ULBP1: variants seen among roughly 807,000 people sequenced by gnomAD.
ULBP1 encodes UL16 binding protein 1.
ULBP1 carries 28 observed loss-of-function variants against 25.3 expected under a neutral mutation model. The ratio of observed to expected loss-of-function variants is 1.10; its 90% CI spans 0.82 to 1.51. The LOEUF (loss-of-function observed/expected upper bound fraction) is 1.51, where lower values mean the gene tolerates loss of function less well. ULBP1 is among the 40% of genes most tolerant of loss of function. ULBP1 has a pLI of 0.00. For synonymous variants in ULBP1, 129 were observed against 103.0 expected (o/e 1.25, Z -1.53); for missense variants, 348 against 290.9 (o/e 1.20, Z -1.43).
At chr6:149,971,232 G>A in intron 4 of ULBP1, 137 bp from the exon 5 acceptor site, 1 of 523,248 alleles carries the variant, frequency 1.9e-6, no homozygotes, top group Non-Finnish European at 2.4e-6. Flanking sequence ...CAGAGCCAGG[G>A]GTAGTGTTGG....
intron 4 of ULBP1, among the ~76,000 whole-genome samples, chr6:149,970,523 A>C (rs943982191): frequency 6.6e-6 from 1 of 152,194 alleles, no homozygotes; most frequent in African/African-American, 2.4e-5. Flanking sequence ...TGGCCACTTC[A>C]CCAAGGATGT....
At chr6:149,967,960 A>C (rs1193883309) in intron 1 of ULBP1, among the ~76,000 whole-genome samples, 1 of 152,062 alleles carries the variant, frequency 6.6e-6, no homozygotes, top group Non-Finnish European at 1.5e-5. Flanking sequence ...CTGGATTTTC[A>C]TATTGCAACC....
At chr6:149,968,034 C>T (rs1779234671) in intron 1 of ULBP1, among the ~76,000 whole-genome samples, 1 of 152,186 alleles carries the variant, frequency 6.6e-6, no homozygotes, top group African/African-American at 2.4e-5. Context: ...TGTAGAAGTT[C>T]TGGGTTTTCA....
chr6:149,965,083 T>C (rs1779178311), intron 1 of ULBP1, among the ~76,000 whole-genome samples: 2 of 139,198 alleles, frequency 1.4e-5, no homozygotes, highest in East Asian at 2.2e-4. Context: ...CAGCGCGATC[T>C]CCCCGAATAT....
intron 4 of ULBP1, among the ~76,000 whole-genome samples, chr6:149,970,744 G>A (rs549883608): frequency 9.1e-4 from 138 of 152,368 alleles, no homozygotes; most frequent in African/African-American, 2.6e-3. Context: ...TGGACCCATG[G>A]GAGTCCTTGC....
Position 149,972,994 on chromosome 6 carries a change from A to G in ULBP1, c.*1648A>G, listed in dbSNP as rs1459504937. 1 of 152,218 alleles carries G rather than the reference A, an allele frequency of 6.6e-6. No individual in the cohort carries two copies. Among genetic ancestry groups the G allele is most frequent in the African/African-American group, 2.4e-5 (1 of 41,448 alleles). 9.4% of individuals were successfully genotyped at this position (152,218 alleles called of 1,614,324 possible). A position where few individuals can be genotyped will look rare whatever the true frequency, so the allele number is the denominator to read the frequency against. ...CTACTCGGGATATACCCACAGGAAA[A>G]GAATTCATTTTATCAAAAAGACACC... On this transcript the variant is annotated 3_prime_UTR_variant, in exon 5 of 5. Coordinates refer to ENST00000229708, the MANE Select transcript of ULBP1 (RefSeq NM_025218.4).
At position 149,966,153 on chromosome 6, in the gene ULBP1, G is replaced by T. The variant is rs148094617; in HGVS notation, c.85+2019G>T. On this transcript the variant is annotated intron_variant, in intron 1 of 4. Transcript: ENST00000229708. ...CCTTTCTAGAAAGGAAAGGCTGAAG[G>T]CACTTTGGTCCTTGCTGGCCGTGAG... Among the ~76,000 whole-genome samples the T allele has an allele frequency of 3.8e-3, 574 of 152,186 alleles. 3 individuals are homozygous for T. Among genetic ancestry groups the T allele is most frequent in the East Asian group, 0.03 (156 of 5,182 alleles).
At chr6:149,969,467 C>A (rs911554747) in intron 3 of ULBP1, 107 bp downstream of exon 3, 5 of 1,487,902 alleles carry the variant, frequency 3.4e-6, no homozygotes, top group African/African-American at 1.4e-5. Flanking sequence ...ATGAACATGA[C>A]CCCCTCATGG....
At chr6:149,971,153 C>G (rs115242232) in intron 4 of ULBP1, among the ~76,000 whole-genome samples, 1 of 152,166 alleles carries the variant, frequency 6.6e-6, no homozygotes, top group African/African-American at 2.4e-5. Flanking sequence ...TGTGAGCCCC[C>G]CTGGGCTGTA....
At chr6:149,970,291 G>T (rs947849470) in intron 4 of ULBP1, 144 bp downstream of exon 4, 2 of 1,210,594 alleles carry the variant, frequency 1.7e-6, no homozygotes, top group Non-Finnish European at 2.3e-6. Context: ...TCACCTGTTG[G>T]CAATGACCTG....
At position 149,969,393 on chromosome 6, in the gene ULBP1, C is replaced by A. The variant is rs184006980; in HGVS notation, c.625+33C>A. On this transcript the variant is annotated intron_variant, in intron 3 of 4. Coordinates refer to ENST00000229708, the MANE Select transcript of ULBP1 (RefSeq NM_025218.4). The stretch of plus-strand genomic sequence containing the variant: ...AGAGGGGGATAAATGGAAGCTGTCT[C>A]GAGTTCAGATCTTATCAGCTGGTGT... The A allele has an allele frequency of 5.6e-4, 902 of 1,602,442 alleles. 4 individuals are homozygous for A. In the African/African-American group the frequency reaches 0.011, roughly 20 times the overall value.
In ULBP1 at chr6:149,969,073, G is replaced by A; in HGVS notation, c.350-12G>A. ...TGTCAAGATCAGAGCTGATCTCTTT[G>A]CAATGGGGCAGAGCCCCTCACCCTG... On this transcript the variant is annotated splice_polypyrimidine_tract_variant and intron_variant, in intron 2 of 4. Transcript: ENST00000229708. 1.2e-6 allele frequency: 2 copies of A among 1,613,240 alleles called. No individual in the cohort carries two copies. Among genetic ancestry groups the A allele is most frequent in the Non-Finnish European group, 8.5e-7 (1 of 1,179,452 alleles).
chr6:149,964,043 G>A lies in ULBP1; in HGVS notation c.-7G>A, dbSNP rs373998254. 3 of 1,613,874 alleles carry A rather than the reference G, an allele frequency of 1.9e-6. No homozygotes were observed. The highest frequency in any genetic ancestry group is 2.7e-5 in the African/African-American group (2 of 74,814). On this transcript the variant is annotated 5_prime_UTR_variant, in exon 1 of 5. Transcript: ENST00000229708. ...GCGCCTCCTGTCCACGGAGCTCCAG[G>A]TCTACAATGGCAGCGGCCGCCAGCC...
At chr6:149,966,330 C>T (rs1473134004) in intron 1 of ULBP1, among the ~76,000 whole-genome samples, 2 of 152,010 alleles carry the variant, frequency 1.3e-5, no homozygotes, top group Non-Finnish European at 2.9e-5. Flanking sequence ...GCTGCCCCAT[C>T]CCCTAGGGTG....
In ULBP1 at chr6:149,972,796, C is replaced by A. The variant is rs1265702269; in HGVS notation, c.*1450C>A. 6.6e-6 allele frequency: 1 copy of A among 152,160 alleles called. No individual in the cohort carries two copies. The allele number at this position is 152,160 out of a possible 1,614,324, so 9.4% of individuals were successfully genotyped here. ...ATCAGATAAGTGCAAATCAAAACTGCAATGAGTTACCATCTCTTACCAGTC... is the reference window on the plus strand; with the variant it reads ...ATCAGATAAGTGCAAATCAAAACTGAAATGAGTTACCATCTCTTACCAGTC... On this transcript the variant is annotated 3_prime_UTR_variant, in exon 5 of 5. Coordinates refer to ENST00000229708, the MANE Select transcript of ULBP1 (RefSeq NM_025218.4).
At position 149,972,496 on chromosome 6, in the gene ULBP1, A is replaced by T. The variant is rs1779335579; in HGVS notation, c.*1150A>T. On this transcript the variant is annotated 3_prime_UTR_variant, in exon 5 of 5. Coordinates refer to ENST00000229708, the MANE Select transcript of ULBP1 (RefSeq NM_025218.4). ...TAAAAACAATTGCAACAAAAACAGA[A>T]ATTGACAAATGGGGCCTCATTAAAC... 6.6e-6 allele frequency: 1 copy of T among 152,210 alleles called. No homozygotes were observed. The highest frequency in any genetic ancestry group is 1.5e-5 in the Non-Finnish European group (1 of 68,034). The allele number at this position is 152,210 out of a possible 1,614,324, so 9.4% of individuals were successfully genotyped here.
At chr6:149,967,146 G>A (rs534615052) in intron 1 of ULBP1, among the ~76,000 whole-genome samples, 2 of 152,150 alleles carry the variant, frequency 1.3e-5, no homozygotes, top group Non-Finnish European at 2.9e-5. Context: ...CCATCGAATG[G>A]GTCTATGAAC....
At chr6:149,966,687 G>A (rs1217413177) in intron 1 of ULBP1, among the ~76,000 whole-genome samples, 5 of 152,076 alleles carry the variant, frequency 3.3e-5, no homozygotes, top group South Asian at 2.1e-4. Context: ...ATGACCTAAA[G>A]GGTGAGGAGC....
chr6:149,967,312 G>A (rs1418369200), intron 1 of ULBP1, among the ~76,000 whole-genome samples: 1 of 152,244 alleles, frequency 6.6e-6, no homozygotes, highest in African/African-American at 2.4e-5. Flanking sequence ...CTGGGTATTT[G>A]CCATTTCATG....
Sources: allele counts gnomAD v4.1 joint callset (sites outside exome capture counted in the v4.1 genomes callset), GRCh38; gene constraint gnomAD v4.1.1; transcripts MANE v1.5; gene names NCBI Gene and HGNC (gene_info 2026-07-23, HGNC 2026-07-21).